TNRC6A: variants seen among roughly 807,000 people sequenced by gnomAD.
TNRC6A encodes trinucleotide repeat-containing gene 6A protein.
A neutral mutation model predicts 221.2 loss-of-function variants in TNRC6A; 44 were observed. The observed-to-expected ratio is 0.20, with a 90% CI of 0.16 to 0.26. TNRC6A has a LOEUF of 0.26. Ranked by LOEUF, TNRC6A falls within the 10% of genes least tolerant of loss-of-function variation. The pLI is 1.00. For missense variants in TNRC6A, 2,199 were observed against 2,404.4 expected, an observed-to-expected ratio of 0.91 and a Z score of 1.79; for synonymous variants, 847 against 838.5, an observed-to-expected ratio of 1.01 and a Z score of -0.18.
At chr16:24,745,954 A>G (rs1480410519) in intron 2 of TNRC6A, among the ~76,000 whole-genome samples, 1 of 152,054 alleles carries the variant, frequency 6.6e-6, no homozygotes, top group Non-Finnish European at 1.5e-5. Flanking sequence ...TTTATTGCCT[A>G]TTCTTACCCA....
At chr16:24,797,046 A>C (rs907274342) in intron 9 of TNRC6A, among the ~76,000 whole-genome samples, 1 of 152,234 alleles carries the variant, frequency 6.6e-6, no homozygotes, top group Non-Finnish European at 1.5e-5. Context: ...TTTCAGTAGG[A>C]TGCATATAGC....
chr16:24,806,059 A>G (rs2058425290), intron 15 of TNRC6A, 147 bp from the exon 16 acceptor site: 2 of 859,386 alleles, frequency 2.3e-6, no homozygotes, highest in Non-Finnish European at 3.5e-6. Context: ...AGAGAGTCCA[A>G]GGAAGAGATG....
intron 1 of TNRC6A, among the ~76,000 whole-genome samples, chr16:24,633,010 GAAA>G (rs34901021): frequency 2.3e-5 from 3 of 129,034 alleles, no homozygotes; most frequent in Non-Finnish European, 4.8e-5. Flanking sequence ...ACTCAGTCTC[GAAA>G]AAAAAAAAAA....
chr16:24,728,624 G>A (rs2056533914), upstream of TNRC6A, among the ~76,000 whole-genome samples: 1 of 152,130 alleles, frequency 6.6e-6, no homozygotes. Context: ...TGAGAGGTTG[G>A]AAAGAACACA....
intron 22 of TNRC6A, among the ~76,000 whole-genome samples, chr16:24,820,723 G>C (rs1413943813): frequency 1.3e-5 from 2 of 152,224 alleles, no homozygotes; most frequent in African/African-American, 4.8e-5. Context: ...AGCTTGGCCT[G>C]TATTAAATGG....
upstream of TNRC6A, chr16:24,729,638 G>A (rs1596558108): frequency 4.0e-6 from 2 of 495,468 alleles, no homozygotes; most frequent in East Asian, 3.6e-5. Context: ...AGGGGTTGCC[G>A]AGTGGGGCAT....
intron 2 of TNRC6A, among the ~76,000 whole-genome samples, chr16:24,721,523 G>A (rs1596545941): frequency 6.6e-6 from 1 of 152,016 alleles, no homozygotes; most frequent in African/African-American, 2.4e-5. Flanking sequence ...AATGATAGTA[G>A]GGCCAGGTGC....
At position 24,807,790 on chromosome 16, in the gene TNRC6A, CT is replaced by C. The variant is rs539210688; in HGVS notation, c.4540+1013del. On this transcript the variant is annotated intron_variant, in intron 17 of 24. Coordinates refer to ENST00000395799, the MANE Select transcript of TNRC6A (RefSeq NM_014494.4). ...GATTGTTCATGCCCTGTTTATTTTG[CT>C]TTTTTTCTCTCTCTTTTCCTATACA... 9.2e-5 allele frequency among the ~76,000 whole-genome samples: 14 copies of C among 152,196 alleles called. No homozygotes were observed. In the South Asian group the frequency reaches 1.5e-3, roughly 16 times the overall value.
intron 3 of TNRC6A, among the ~76,000 whole-genome samples, chr16:24,755,701 A>G (rs1452632646): frequency 1.3e-5 from 2 of 152,256 alleles, no homozygotes; most frequent in Non-Finnish European, 2.9e-5. Context: ...AGAGCCTGAC[A>G]GGCAAAGCAA....
At chr16:24,676,634 T>G (rs1258642426) in intron 2 of TNRC6A, among the ~76,000 whole-genome samples, 2 of 152,136 alleles carry the variant, frequency 1.3e-5, no homozygotes, top group African/African-American at 4.8e-5. Context: ...TTTTATTTTT[T>G]GTAGAGACAA....
chr16:24,793,628 C>A lies in TNRC6A; in HGVS notation c.3331C>A (p.Pro1111Thr). The A allele has an allele frequency of 6.6e-7, 1 of 1,518,284 alleles. No homozygotes were observed. Among genetic ancestry groups the A allele is most frequent in the Non-Finnish European group, 8.8e-7 (1 of 1,130,254 alleles). The allele number at this position is 1,518,284 out of a possible 1,614,324, so 94.1% of individuals were successfully genotyped here. A position where few individuals can be genotyped will look rare whatever the true frequency, so the allele number is the denominator to read the frequency against. The change falls in exon 7 of 25, where the codon CCA (proline) becomes ACA (threonine). Residue 1111 changes from proline (P) to threonine (T), a missense_variant. Pro to Thr is a conservative substitution (Grantham distance 38, BLOSUM62 -1). Coordinates refer to ENST00000395799, the MANE Select transcript of TNRC6A (RefSeq NM_014494.4). ...TSTWGSSSVG[P>T]QALSKSGPKS... ...CACGTGGGGCTCCAGCTCTGTTGGT[C>A]CACAAGCATTAAGCAAATCTGGTAA...
chr16:24,756,821 A>G (rs112813784), intron 3 of TNRC6A, among the ~76,000 whole-genome samples: 44 of 152,146 alleles, frequency 2.9e-4, no homozygotes, highest in South Asian at 1.0e-3. Context: ...CATTGTTTCT[A>G]TGTTCTGAAA....
At chr16:24,710,582 T>C (rs535539019) in intron 2 of TNRC6A, among the ~76,000 whole-genome samples, 1 of 152,202 alleles carries the variant, frequency 6.6e-6, no homozygotes, top group African/African-American at 2.4e-5. Flanking sequence ...TACTAAGCAG[T>C]GCTAGATTTC....
At chr16:24,621,957 T>C (rs999842662) in intron 1 of TNRC6A, among the ~76,000 whole-genome samples, 5 of 152,230 alleles carry the variant, frequency 3.3e-5, no homozygotes, top group East Asian at 1.9e-4. Context: ...TATCTGAAAA[T>C]TGGATTTTTA....
chr16:24,720,893 A>G (rs1596545000), intron 2 of TNRC6A, among the ~76,000 whole-genome samples: 1 of 151,510 alleles, frequency 6.6e-6, no homozygotes, highest in East Asian at 1.9e-4. Context: ...ACAGAAAAAA[A>G]AAAACAAAAA....
At chr16:24,627,842 C>T (rs1339111922) in intron 1 of TNRC6A, among the ~76,000 whole-genome samples, 3 of 151,132 alleles carry the variant, frequency 2.0e-5, no homozygotes, top group African/African-American at 7.3e-5. Context: ...GGATTACAGG[C>T]GCCTGCCCCC....
At chr16:24,821,744 A>T in intron 22 of TNRC6A, 1 of 314,656 alleles carries the variant, frequency 3.2e-6, no homozygotes, top group Non-Finnish European at 6.0e-6. Flanking sequence ...ACACTACTGA[A>T]GTCTTCCCCA....
At chr16:24,705,330 T>A (rs565499046) in intron 2 of TNRC6A, among the ~76,000 whole-genome samples, 174 of 151,004 alleles carry the variant, frequency 1.2e-3, no homozygotes, top group African/African-American at 4.0e-3. Context: ...TGATATTAGA[T>A]GAATTTTTTT....
chr16:24,664,742 A>G, intron 2 of TNRC6A: 1 of 305,370 alleles, frequency 3.3e-6, no homozygotes, highest in South Asian at 2.7e-5. Context: ...ACTCTTGTGT[A>G]TAGGGTGCCT....
Sources: gnomAD v4.1 joint callset for allele counts (sites outside exome capture counted in the v4.1 genomes callset) on GRCh38, gnomAD v4.1.1 for gene constraint, MANE v1.5 for transcripts, NCBI Gene and HGNC (gene_info 2026-07-23, HGNC 2026-07-21) for gene names.